Variants in CCNT1 observed in about 807,000 individuals in gnomAD.
CCNT1 encodes the protein cyclin-T1.
CCNT1 carries 18 observed loss-of-function variants against 67.3 expected under a neutral mutation model. The observed-to-expected ratio is 0.27, with a 90% CI of 0.18 to 0.40. The LOEUF (loss-of-function observed/expected upper bound fraction) is 0.40. Among genes scored for constraint, CCNT1 ranks in the 10% least tolerant of loss-of-function variants. The pLI, the probability that CCNT1 is intolerant of heterozygous loss-of-function variation, is 1.00. For missense variants in CCNT1, 744 were observed against 884.9 expected (o/e 0.84, Z 2.02); for synonymous variants, 333 against 310.3 (o/e 1.07, Z -0.77).
chr12:48,705,935 T>C (rs1313634872), intron 2 of CCNT1, 39 bp from the exon 3 acceptor site: 1 of 1,582,376 alleles, frequency 6.3e-7, no homozygotes, highest in African/African-American at 1.4e-5. Flanking sequence ...ATTATCAATT[T>C]ATTCATTCAT....
At position 48,689,563 on chromosome 12, in the gene CCNT1, C is replaced by T. The variant is rs1940039899; in HGVS notation, c.*3470G>A. On this transcript the variant is annotated 3_prime_UTR_variant, in exon 9 of 9. Coordinates refer to ENST00000261900, the MANE Select transcript of CCNT1 (RefSeq NM_001240.4). Reference sequence around the variant, plus strand: ...CTCACCATTTGATGAGTTGCATAGACTGCTTAAATTCTCCCAAGACCAAAA... The same window carrying T: ...CTCACCATTTGATGAGTTGCATAGATTGCTTAAATTCTCCCAAGACCAAAA... The T allele has an allele frequency of 6.6e-6, 1 of 152,170 alleles. No homozygotes were observed. The highest frequency in any genetic ancestry group is 1.5e-5 in the Non-Finnish European group (1 of 68,020). 9.4% of individuals were successfully genotyped at this position (152,170 alleles called of 1,614,324 possible). A position where few individuals can be genotyped will look rare whatever the true frequency, so the allele number is the denominator to read the frequency against.
At chr12:48,698,099 T>C (rs200828525) in intron 6 of CCNT1, 39 bp downstream of exon 6, 151 of 1,376,998 alleles carry the variant, frequency 1.1e-4, no homozygotes, top group Middle Eastern at 5.8e-4. Context: ...TAAAGTCCTA[T>C]ACCAAAAATC....
chr12:48,700,973 G>T, intron 4 of CCNT1, 40 bp downstream of exon 4: 3 of 1,187,072 alleles, frequency 2.5e-6, no homozygotes, highest in Non-Finnish European at 3.7e-6. Context: ...TCATTTTATT[G>T]CATAATTTAA....
chr12:48,705,958 A>T (rs1202271162), intron 2 of CCNT1, 62 bp from the exon 3 acceptor site: 2 of 1,483,114 alleles, frequency 1.3e-6, no homozygotes, highest in Non-Finnish European at 1.8e-6. Context: ...AGTAAGGTAG[A>T]TCTAAAGAGG....
intron 4 of CCNT1, among the ~76,000 whole-genome samples, chr12:48,700,743 T>C (rs1054984066): frequency 2.0e-5 from 3 of 151,856 alleles, no homozygotes; most frequent in South Asian, 2.1e-4. Context: ...TTTTTGGGGG[T>C]AAAAATCACC....
At chr12:48,704,692 C>T (rs1251241473) in intron 3 of CCNT1, among the ~76,000 whole-genome samples, 1 of 152,060 alleles carries the variant, frequency 6.6e-6, no homozygotes, top group African/African-American at 2.4e-5. Flanking sequence ...ACCTGTAGTC[C>T]CAGCTACTTA....
chr12:48,702,186 C>T (rs1473017592), intron 3 of CCNT1, among the ~76,000 whole-genome samples: 2 of 152,216 alleles, frequency 1.3e-5, no homozygotes, highest in African/African-American at 4.8e-5. Flanking sequence ...CATGAGCCAC[C>T]GCGCCTGGCC....
intron 2 of CCNT1, among the ~76,000 whole-genome samples, chr12:48,713,793 C>T (rs764631035): frequency 2.0e-5 from 3 of 152,176 alleles, no homozygotes. Flanking sequence ...GTCTCCCTAC[C>T]CCAGCAAGAA....
chr12:48,703,438 T>A (rs1328028572), intron 3 of CCNT1, among the ~76,000 whole-genome samples: 1 of 152,008 alleles, frequency 6.6e-6, no homozygotes, highest in African/African-American at 2.4e-5. Flanking sequence ...CCGGGTGTAG[T>A]GGCACATGCC....
At chr12:48,706,926 C>T (rs1235062595) in intron 2 of CCNT1, among the ~76,000 whole-genome samples, 1 of 151,978 alleles carries the variant, frequency 6.6e-6, no homozygotes, top group South Asian at 2.1e-4. Context: ...TTTTTTAGGC[C>T]AGACACAGTG....
chr12:48,703,059 T>G (rs1364459073), intron 3 of CCNT1, among the ~76,000 whole-genome samples: 1 of 151,430 alleles, frequency 6.6e-6, no homozygotes, highest in African/African-American at 2.4e-5. Flanking sequence ...GAGAATCTAA[T>G]GCCTGATGAT....
intron 3 of CCNT1, among the ~76,000 whole-genome samples, chr12:48,702,651 G>A (rs57454425): frequency 0.02 from 3,074 of 152,148 alleles, 110 homozygotes; most frequent in African/African-American, 0.071. Context: ...TGGGTGTGAT[G>A]GTGGGCGTGA....
At chr12:48,697,547 A>G (rs1248462442) in intron 6 of CCNT1, among the ~76,000 whole-genome samples, 1 of 144,152 alleles carries the variant, frequency 6.9e-6, no homozygotes, top group Non-Finnish European at 1.5e-5. Context: ...ATATATATAT[A>G]TATATATATA....
Position 48,704,008 on chromosome 12 carries a change from T to C in CCNT1, c.372+1760A>G, listed in dbSNP as rs564506934. Among the ~76,000 whole-genome samples the C allele has an allele frequency of 5.9e-5, 9 of 152,270 alleles. No homozygotes were observed. In the South Asian group the frequency reaches 1.7e-3, roughly 28 times the overall value. Reference sequence around the variant, plus strand: ...ATTATCTAGACTTCTTCATGGAGAATTGTTAAAAATACATACATTCACATA... The same window carrying C: ...ATTATCTAGACTTCTTCATGGAGAACTGTTAAAAATACATACATTCACATA... On this transcript the variant is annotated intron_variant, in intron 3 of 8. Coordinates refer to ENST00000261900, the MANE Select transcript of CCNT1 (RefSeq NM_001240.4).
At chr12:48,701,868 A>C (rs1940275353) in intron 3 of CCNT1, among the ~76,000 whole-genome samples, 2 of 151,792 alleles carry the variant, frequency 1.3e-5, no homozygotes, top group Non-Finnish European at 2.9e-5. Context: ...GGCCTCCCAA[A>C]GTGCTGGGAT....
At chr12:48,705,603 A>T (rs1055187266) in intron 3 of CCNT1, 165 bp downstream of exon 3, 3 of 640,194 alleles carry the variant, frequency 4.7e-6, no homozygotes, top group Non-Finnish European at 5.3e-6. Context: ...AGAAAAACAC[A>T]AACACTAAAA....
Position 48,690,748 on chromosome 12 carries a change from T to A in CCNT1, c.*2285A>T, listed in dbSNP as rs778026321. 6 of 152,188 alleles carry A rather than the reference T, an allele frequency of 3.9e-5. No homozygotes were observed. Among genetic ancestry groups the A allele is most frequent in the Non-Finnish European group, 7.3e-5 (5 of 68,030 alleles). The allele number at this position is 152,188 out of a possible 1,614,324, so 9.4% of individuals were successfully genotyped here. ...AAGGAACTTTACTACAGTACGGCCA[T>A]GGATAACTGCTATGAGGCCAAATGA... On this transcript the variant is annotated 3_prime_UTR_variant, in exon 9 of 9. Coordinates refer to ENST00000261900, the MANE Select transcript of CCNT1 (RefSeq NM_001240.4).
intron 3 of CCNT1, among the ~76,000 whole-genome samples, chr12:48,703,766 C>G (rs1940310530): frequency 6.6e-6 from 1 of 151,592 alleles, no homozygotes; most frequent in Non-Finnish European, 1.5e-5. Flanking sequence ...GAAACCCCAT[C>G]TCTACAAAAA....
At chr12:48,696,212 A>G in intron 6 of CCNT1, 50 bp from the exon 7 acceptor site, 1 of 800,022 alleles carries the variant, frequency 1.2e-6, no homozygotes, top group Non-Finnish European at 1.8e-6. Flanking sequence ...CTCAATTCTC[A>G]GCCCAAAGCT....
Sources: allele counts gnomAD v4.1 joint callset (sites outside exome capture counted in the v4.1 genomes callset), GRCh38; gene constraint gnomAD v4.1.1; transcripts MANE v1.5; gene names NCBI Gene and HGNC (gene_info 2026-07-23, HGNC 2026-07-21).